The following NBEAL1 variants were observed in gnomAD, a reference collection of about 807,000 sequenced individuals.
NBEAL1 encodes neurobeachin like 1.
NBEAL1 carries 273 observed loss-of-function variants against 351.3 expected under a neutral mutation model. The observed-to-expected ratio is 0.78, with a 90% CI of 0.70 to 0.86. The LOEUF (loss-of-function observed/expected upper bound fraction) is 0.86. Ranked by LOEUF, NBEAL1 falls within the 40% of genes least tolerant of loss-of-function variation. The pLI is 0.00. For missense variants in NBEAL1, 2,961 were observed against 3,201.3 expected, an observed-to-expected ratio of 0.92 and a Z score of 1.81; for synonymous variants, 1,050 against 1,086.4, an observed-to-expected ratio of 0.97 and a Z score of 0.66.
At chr2:203,211,681 T>C (rs1177657762) in intron 54 of NBEAL1, among the ~76,000 whole-genome samples, 1 of 152,100 alleles carries the variant, frequency 6.6e-6, no homozygotes, top group African/African-American at 2.4e-5. Context: ...TAGAAAAAAA[T>C]GTTCATAGTA....
At chr2:203,145,459 A>G (rs550523309) in intron 33 of NBEAL1, among the ~76,000 whole-genome samples, 1 of 152,330 alleles carries the variant, frequency 6.6e-6, no homozygotes, top group East Asian at 1.9e-4. Flanking sequence ...TAATGTTTAT[A>G]TTAGAAAAGA....
In NBEAL1 at chr2:203,197,374, G is replaced by A. The variant is rs772334477; in HGVS notation, c.7111G>A (p.Gly2371Ser). Residue 2371 changes from glycine to serine, a missense_variant, in exon 48 of 56, where the codon GGC becomes AGC. Transcript: ENST00000683969. ...KNQYRSFMSQ[G>S]SPELLITISM... Reference sequence around the variant, plus strand: ...TCAGTATCGTTCTTTTATGTCTCAAGGCAGCCCTGAGTTACTGGTAAGTTG... The same window carrying A: ...TCAGTATCGTTCTTTTATGTCTCAAAGCAGCCCTGAGTTACTGGTAAGTTG... 61 of 1,601,388 alleles carry A rather than the reference G, an allele frequency of 3.8e-5. No homozygotes were observed. The South Asian group carries it at 6.6e-4, about 17-fold the overall frequency.
chr2:203,038,900 G>A (rs916137014), intron 2 of NBEAL1, among the ~76,000 whole-genome samples: 4 of 148,440 alleles, frequency 2.7e-5, no homozygotes, highest in Non-Finnish European at 3.0e-5. Flanking sequence ...GGCTGGTCTC[G>A]AATTCCTGGG....
rs1436628490 is a variant in NBEAL1 at position 203,158,412 on chromosome 2, A to G, written c.5714+587A>G. Among the ~76,000 whole-genome samples, 5 of 152,324 alleles carry G rather than the reference A, an allele frequency of 3.3e-5. No homozygotes were observed. In the South Asian group the frequency reaches 1.0e-3, roughly 32 times the overall value. The stretch of plus-strand genomic sequence containing the variant: ...ACAGCTTAATGAAACAAATTCTTTG[A>G]AAGATACAAATTACCCAACCTCTGC... On this transcript the variant is annotated intron_variant, in intron 36 of 55. Transcript: ENST00000683969.
At chr2:203,193,060 C>CT (rs2065140884) in intron 46 of NBEAL1, among the ~76,000 whole-genome samples, 7 of 136,666 alleles carry the variant, frequency 5.1e-5, no homozygotes, top group Admixed American at 3.3e-4. Context: ...CAACTTCCAT[C>CT]TTGTGGGTTC....
intron 12 of NBEAL1, among the ~76,000 whole-genome samples, chr2:203,101,519 T>C (rs1159487011): frequency 6.6e-6 from 1 of 152,204 alleles, no homozygotes; most frequent in Non-Finnish European, 1.5e-5. Flanking sequence ...AAAATAGGTT[T>C]TTCTAATTCT....
chr2:203,184,448 T>G (rs1038577845), intron 44 of NBEAL1, among the ~76,000 whole-genome samples: 4 of 152,070 alleles, frequency 2.6e-5, no homozygotes, highest in African/African-American at 7.2e-5. Flanking sequence ...AATAAATAAA[T>G]AAAGTATTAG....
chr2:203,165,626 T>C (rs954363737), intron 36 of NBEAL1, among the ~76,000 whole-genome samples: 2 of 152,242 alleles, frequency 1.3e-5, no homozygotes, highest in African/African-American at 4.8e-5. Flanking sequence ...AGCTTATTTT[T>C]AATGAAACTG....
At chr2:203,157,646 C>A in intron 35 of NBEAL1, 53 bp from the exon 36 acceptor site, 1 of 1,367,042 alleles carries the variant, frequency 7.3e-7, no homozygotes, top group Non-Finnish European at 9.8e-7. Flanking sequence ...TACAGAAAGG[C>A]TATAATATTG....
rs2063025361 is a variant in NBEAL1, at chr2:203,129,562, A to G, written c.3406-756A>G. On this transcript the variant is annotated intron_variant, in intron 24 of 55. Transcript: ENST00000683969. ...TTTTGGTTATTTCAGTTAAAGAGTT[A>G]TTTGTTGAGGACTTACTGTTTACAC... Among the ~76,000 whole-genome samples the G allele has an allele frequency of 4.6e-5, 7 of 152,268 alleles. No individual in the cohort carries two copies. In the South Asian group the frequency reaches 1.5e-3, roughly 32 times the overall value.
intron 42 of NBEAL1, among the ~76,000 whole-genome samples, chr2:203,180,091 A>T (rs906247091): frequency 1.8e-4 from 28 of 152,314 alleles, no homozygotes; most frequent in South Asian, 1.2e-3. Flanking sequence ...GACTCTTAAG[A>T]TTATATTTAA....
chr2:203,217,619 T>C lies in NBEAL1; in HGVS notation c.*265T>C. On this transcript the variant is annotated 3_prime_UTR_variant, in exon 56 of 56. Transcript: ENST00000683969. ...AACAAACTAAAATGAGAACATTAGGTTCAATTTTCTTATTATTCCAAATGA... is the reference window on the plus strand; with the variant it reads ...AACAAACTAAAATGAGAACATTAGGCTCAATTTTCTTATTATTCCAAATGA... The C allele has an allele frequency of 9.8e-7, 1 of 1,020,076 alleles. No homozygotes were observed. The highest frequency in any genetic ancestry group is 1.2e-6 in the Non-Finnish European group (1 of 839,964). The allele number at this position is 1,020,076 out of a possible 1,614,324, so 63.2% of individuals were successfully genotyped here.
At chr2:203,048,044 T>A (rs2061258114) in intron 3 of NBEAL1, among the ~76,000 whole-genome samples, 1 of 152,130 alleles carries the variant, frequency 6.6e-6, no homozygotes, top group Non-Finnish European at 1.5e-5. Context: ...TACTGCATTT[T>A]TTTCATTATC....
At chr2:203,164,803 G>C (rs530870483) in intron 36 of NBEAL1, among the ~76,000 whole-genome samples, 35 of 151,776 alleles carry the variant, frequency 2.3e-4, no homozygotes, top group African/African-American at 7.7e-4. Flanking sequence ...CAGAGAGTTA[G>C]CTGGCTTAAA....
At position 203,127,815 on chromosome 2, in the gene NBEAL1, G is replaced by T; in HGVS notation, c.3283G>T (p.Asp1095Tyr). ...GCKYNELSLDDIRTIRTSLYG... is the reference protein window; with the variant it reads ...GCKYNELSLDYIRTIRTSLYG... ...TAAATATAATGAACTATCTCTAGATGATATTCGAACAATAAGGACTTCTTT... is the reference window on the plus strand; with the variant it reads ...TAAATATAATGAACTATCTCTAGATTATATTCGAACAATAAGGACTTCTTT... Residue 1095 changes from aspartate to tyrosine, a missense_variant, in exon 24 of 56, where the codon GAT becomes TAT. Physicochemically the swap from Asp to Tyr is radical, Grantham distance 160. Coordinates refer to ENST00000683969, the MANE Select transcript of NBEAL1 (RefSeq NM_001378026.1). The T allele has an allele frequency of 6.6e-7, 1 of 1,521,016 alleles. No individual in the cohort carries two copies. The highest frequency in any genetic ancestry group is 1.2e-5 in the South Asian group (1 of 83,452). 94.2% of individuals were successfully genotyped at this position (1,521,016 alleles called of 1,614,324 possible).
intron 2 of NBEAL1, among the ~76,000 whole-genome samples, chr2:203,021,406 C>T (rs1018502635): frequency 3.3e-5 from 5 of 150,904 alleles, no homozygotes; most frequent in African/African-American, 7.3e-5. Context: ...CCAACCTGGG[C>T]AACATGGTGA....
At chr2:203,059,921 C>T (rs2061470333) in intron 6 of NBEAL1, among the ~76,000 whole-genome samples, 1 of 152,180 alleles carries the variant, frequency 6.6e-6, no homozygotes. Flanking sequence ...CACTTTGGTT[C>T]TAACTAATCA....
intron 6 of NBEAL1, chr2:203,061,950 A>G: frequency 3.6e-6 from 1 of 275,432 alleles, no homozygotes; most frequent in Middle Eastern, 1.3e-3. Context: ...CACCTGTGAG[A>G]GAATTAAAGG....
chr2:203,141,016 C>T (rs1487946851), intron 31 of NBEAL1, among the ~76,000 whole-genome samples: 6 of 151,636 alleles, frequency 4.0e-5, no homozygotes, highest in African/African-American at 7.3e-5. Context: ...AAATAAAATA[C>T]AGAACCACCT....
Sources: gnomAD v4.1 joint callset for allele counts (sites outside exome capture counted in the v4.1 genomes callset) on GRCh38, gnomAD v4.1.1 for gene constraint, MANE v1.5 for transcripts, NCBI Gene and HGNC (gene_info 2026-07-23, HGNC 2026-07-21) for gene names.